The following NR2C1 variants were observed in gnomAD, a reference collection of about 807,000 sequenced individuals.
NR2C1 encodes the protein nuclear receptor subfamily 2 group C member 1, also known as TR2 nuclear hormone receptor.
NR2C1 carries 33 observed loss-of-function variants against 74.8 expected under a neutral mutation model. The observed-to-expected ratio is 0.44, with a 90% CI of 0.33 to 0.59. The LOEUF (loss-of-function observed/expected upper bound fraction) is 0.59, where lower values mean the gene tolerates loss of function less well. Among genes scored for constraint, NR2C1 ranks in the 20% least tolerant of loss-of-function variants. NR2C1 has a pLI of 0.02. For synonymous variants in NR2C1, 225 were observed against 240.6 expected, an observed-to-expected ratio of 0.94 and a Z score of 0.60; for missense variants, 568 against 715.6, an observed-to-expected ratio of 0.79 and a Z score of 2.35.
At chr12:95,068,242 TAGA>T (rs1876028821) in intron 1 of NR2C1, among the ~76,000 whole-genome samples, 1 of 152,186 alleles carries the variant, frequency 6.6e-6, no homozygotes. Flanking sequence ...GTCCTCTTCA[TAGA>T]AGGACATCAG....
At chr12:95,044,278 T>A (rs1290013777) in intron 9 of NR2C1, among the ~76,000 whole-genome samples, 2 of 151,980 alleles carry the variant, frequency 1.3e-5, no homozygotes, top group Non-Finnish European at 2.9e-5. Context: ...ATAGCTTTTT[T>A]TTTTTTTGAG....
intron 1 of NR2C1, among the ~76,000 whole-genome samples, chr12:95,069,645 T>C (rs1420258306): frequency 1.3e-5 from 2 of 152,228 alleles, no homozygotes; most frequent in African/African-American, 4.8e-5. Context: ...CCATAACATA[T>C]GACTATATTT....
chr12:95,066,860 G>C (rs1252365658), intron 2 of NR2C1: 1 of 155,246 alleles, frequency 6.4e-6, no homozygotes, highest in South Asian at 2.0e-4. Context: ...GTCTTCACCT[G>C]GTTGATTCTC....
intron 12 of NR2C1, among the ~76,000 whole-genome samples, chr12:95,027,501 C>T (rs1869503543): frequency 6.6e-6 from 1 of 152,164 alleles, no homozygotes; most frequent in Admixed American, 6.5e-5. Flanking sequence ...CTTTGGGAGG[C>T]CGAGGCGGGT....
intron 10 of NR2C1, among the ~76,000 whole-genome samples, chr12:95,038,895 T>TA (rs1190847854): frequency 3.0e-4 from 46 of 151,360 alleles, no homozygotes; most frequent in African/African-American, 7.0e-4. Context: ...CCCAACTAAC[T>TA]AAAAAAAAAT....
At position 95,040,601 on chromosome 12, in the gene NR2C1, G is replaced by A; in HGVS notation, c.1132-4C>T. The A allele has an allele frequency of 6.2e-7, 1 of 1,601,104 alleles. No homozygotes were observed. Among genetic ancestry groups the A allele is most frequent in the Middle Eastern group, 1.7e-4 (1 of 6,026 alleles). ...GCATAGGAGAAGGCATGGTGAGCTAGTATGAACAGGGATTTAGGTAAATTA... is the reference window on the plus strand; with the variant it reads ...GCATAGGAGAAGGCATGGTGAGCTAATATGAACAGGGATTTAGGTAAATTA... On this transcript the variant is annotated splice_polypyrimidine_tract_variant and splice_region_variant and intron_variant, in intron 9 of 13. Coordinates refer to ENST00000333003, the MANE Select transcript of NR2C1 (RefSeq NM_003297.4).
intron 7 of NR2C1, among the ~76,000 whole-genome samples, chr12:95,053,709 G>C (rs1873392683): frequency 9.0e-6 from 1 of 111,418 alleles, no homozygotes; most frequent in South Asian, 3.0e-4. Flanking sequence ...TTTTGAGACA[G>C]AGTCTTACTC....
At chr12:95,058,088 T>C (rs1874190531) in intron 5 of NR2C1, 3 of 660,516 alleles carry the variant, frequency 4.5e-6, no homozygotes, top group South Asian at 2.4e-5. Context: ...CTCATTCTTT[T>C]TGCCAAACAC....
At chr12:95,048,621 A>AGC (rs1491047972) in intron 9 of NR2C1, among the ~76,000 whole-genome samples, 1 of 123,762 alleles carries the variant, frequency 8.1e-6, no homozygotes, top group Non-Finnish European at 1.6e-5. Flanking sequence ...TATGCAGATG[A>AGC]GTTTTTTTTT....
intron 10 of NR2C1, among the ~76,000 whole-genome samples, chr12:95,038,697 G>A (rs987673940): frequency 6.6e-6 from 1 of 152,192 alleles, no homozygotes; most frequent in Admixed American, 6.5e-5. Context: ...GGTGGAGATT[G>A]CAGTGAGCCG....
At chr12:95,048,626 T>G (rs1429255636) in intron 9 of NR2C1, among the ~76,000 whole-genome samples, 1 of 151,038 alleles carries the variant, frequency 6.6e-6, no homozygotes, top group African/African-American at 2.4e-5. Flanking sequence ...AGATGAGTTT[T>G]TTTTTTTTTT....
intron 9 of NR2C1, 69 bp downstream of exon 9, chr12:95,048,999 T>C: frequency 2.2e-6 from 3 of 1,386,626 alleles, no homozygotes; most frequent in Admixed American, 1.8e-5. Context: ...CAAACATACT[T>C]TGATTTTTGA....
Position 95,062,751 on chromosome 12 carries a change from T to C in NR2C1, c.55-13A>G, listed in dbSNP as rs1222237843. The C allele has an allele frequency of 6.3e-7, 1 of 1,586,976 alleles. No homozygotes were observed. Among genetic ancestry groups the C allele is most frequent in the Non-Finnish European group, 8.7e-7 (1 of 1,155,998 alleles). ...GCTCTGTAACAATCTAACAAAATCA[T>C]GAAAAATAATCAATGAAACTCAATA... On this transcript the variant is annotated splice_polypyrimidine_tract_variant and intron_variant, in intron 2 of 13. Transcript: ENST00000333003.
chr12:95,067,076 T>C (rs940839029), intron 2 of NR2C1: 1 of 521,558 alleles, frequency 1.9e-6, no homozygotes. Flanking sequence ...CTTTAATTTC[T>C]TTCCTTCCTT....
At chr12:95,029,559 CTTT>C (rs34742046) in intron 11 of NR2C1, among the ~76,000 whole-genome samples, 1 of 130,096 alleles carries the variant, frequency 7.7e-6, no homozygotes, top group Non-Finnish European at 1.6e-5. Flanking sequence ...GTAATGGTTC[CTTT>C]TTTTTTTTTT....
chr12:95,053,423 TTTTAC>T (rs1873319865), intron 7 of NR2C1, among the ~76,000 whole-genome samples: 1 of 152,172 alleles, frequency 6.6e-6, no homozygotes, highest in Admixed American at 6.5e-5. Flanking sequence ...TTTATTTTTC[TTTTAC>T]TTTGTTATCA....
chr12:95,022,971 G>C (rs1868939790), intron 13 of NR2C1, among the ~76,000 whole-genome samples: 1 of 151,098 alleles, frequency 6.6e-6, no homozygotes, highest in Admixed American at 6.6e-5. Flanking sequence ...CCAAAGTACT[G>C]AGATTATAAG....
intron 11 of NR2C1, among the ~76,000 whole-genome samples, chr12:95,028,905 A>G (rs1480057739): frequency 6.6e-6 from 1 of 152,130 alleles, no homozygotes; most frequent in Non-Finnish European, 1.5e-5. Context: ...TTGGGATTAC[A>G]GGTGTGAGCC....
intron 9 of NR2C1, among the ~76,000 whole-genome samples, chr12:95,047,368 G>A (rs149166821): frequency 2.0e-5 from 3 of 152,136 alleles, no homozygotes; most frequent in East Asian, 1.9e-4. Flanking sequence ...CCTGTAGAGT[G>A]TAGAAAAAAA....
Sources: gnomAD v4.1 joint callset for allele counts (sites outside exome capture counted in the v4.1 genomes callset) on GRCh38, gnomAD v4.1.1 for gene constraint, MANE v1.5 for transcripts, NCBI Gene and HGNC (gene_info 2026-07-23, HGNC 2026-07-21) for gene names.